COL25A1: variants seen among roughly 807,000 people sequenced by gnomAD.
COL25A1 encodes the protein collagen alpha-1(XXV) chain.
Under a neutral mutation model 128.4 loss-of-function variants are expected in COL25A1, and 103 were observed. The ratio of observed to expected loss-of-function variants is 0.80; its 90% confidence interval spans 0.68 to 0.94. COL25A1 has a LOEUF of 0.94. Ranked by LOEUF, COL25A1 falls within the 40% of genes least tolerant of loss-of-function variation. The pLI, the probability that COL25A1 is intolerant of heterozygous loss-of-function variation, is 0.00. For missense variants in COL25A1, 745 were observed against 840.0 expected, an observed-to-expected ratio of 0.89 and a Z score of 1.40; for synonymous variants, 279 against 277.2, an observed-to-expected ratio of 1.01 and a Z score of -0.06.
chr4:109,069,187 T>C (rs1762715518), intron 3 of COL25A1, among the ~76,000 whole-genome samples: 1 of 151,802 alleles, frequency 6.6e-6, no homozygotes, highest in Non-Finnish European at 1.5e-5. Flanking sequence ...AAAGGCAATT[T>C]AAAATTAACA....
At chr4:109,258,390 T>A (rs1172117508) in intron 3 of COL25A1, among the ~76,000 whole-genome samples, 1 of 152,136 alleles carries the variant, frequency 6.6e-6, no homozygotes, top group Admixed American at 6.5e-5. Context: ...TACTAGCTGT[T>A]TGACCTTCTG....
chr4:108,865,605 A>AT (rs1309000999), intron 20 of COL25A1, among the ~76,000 whole-genome samples: 2 of 152,244 alleles, frequency 1.3e-5, no homozygotes, highest in African/African-American at 4.8e-5. Context: ...TATAAAAATT[A>AT]TTAAAAAACT....
At chr4:108,915,357 C>T (rs564484949) in intron 13 of COL25A1, among the ~76,000 whole-genome samples, 1 of 152,138 alleles carries the variant, frequency 6.6e-6, no homozygotes. Context: ...TTCTCTTTCT[C>T]TCTCTCTCCC....
intron 3 of COL25A1, among the ~76,000 whole-genome samples, chr4:109,171,198 C>T (rs1209080733): frequency 6.6e-6 from 1 of 152,102 alleles, no homozygotes; most frequent in Non-Finnish European, 1.5e-5. Flanking sequence ...AGAGGCATGC[C>T]AACTGAGAGT....
intron 24 of COL25A1, among the ~76,000 whole-genome samples, chr4:108,857,596 C>T (rs1269355796): frequency 6.6e-6 from 1 of 150,966 alleles, no homozygotes; most frequent in Non-Finnish European, 1.5e-5. Flanking sequence ...TAGTGCTCTA[C>T]TAGTTAAAAA....
intron 3 of COL25A1, among the ~76,000 whole-genome samples, chr4:109,187,278 C>T (rs530416505): frequency 1.2e-3 from 188 of 150,696 alleles, no homozygotes; most frequent in Middle Eastern, 3.4e-3. Flanking sequence ...GGTTTCTTTA[C>T]GTGTATTTAA....
At chr4:108,859,517 T>G in intron 24 of COL25A1, 139 bp downstream of exon 24, 1 of 578,526 alleles carries the variant, frequency 1.7e-6, no homozygotes, top group Non-Finnish European at 3.1e-6. Context: ...GATGAGTTCT[T>G]GAGAACAGGG....
At chr4:109,294,331 T>C (rs1418597435) in intron 3 of COL25A1, among the ~76,000 whole-genome samples, 1 of 152,096 alleles carries the variant, frequency 6.6e-6, no homozygotes. Context: ...CAATGAAAAG[T>C]GCTCAATTTT....
At chr4:109,168,899 C>G (rs1028646862) in intron 3 of COL25A1, among the ~76,000 whole-genome samples, 1 of 152,064 alleles carries the variant, frequency 6.6e-6, no homozygotes, top group East Asian at 1.9e-4. Context: ...ATTTTGCATC[C>G]ACACATCGAG....
intron 8 of COL25A1, among the ~76,000 whole-genome samples, chr4:108,967,958 G>A (rs1431707871): frequency 6.6e-6 from 1 of 152,124 alleles, no homozygotes; most frequent in Admixed American, 6.5e-5. Context: ...GATACTCTAT[G>A]CGTGGTGACC....
intron 3 of COL25A1, among the ~76,000 whole-genome samples, chr4:109,061,318 C>A (rs969619097): frequency 6.6e-6 from 1 of 152,114 alleles, no homozygotes; most frequent in African/African-American, 2.4e-5. Flanking sequence ...GATAGAAATT[C>A]TGCCTTCTTC....
At chr4:109,065,432 A>G (rs1396950285) in intron 3 of COL25A1, among the ~76,000 whole-genome samples, 1 of 152,078 alleles carries the variant, frequency 6.6e-6, no homozygotes, top group Non-Finnish European at 1.5e-5. Context: ...TGTTTTCTAT[A>G]GTTACCTGAC....
At chr4:109,137,263 G>GT (rs1039826853) in intron 3 of COL25A1, among the ~76,000 whole-genome samples, 36 of 152,284 alleles carry the variant, frequency 2.4e-4, no homozygotes, top group African/African-American at 8.7e-4. Context: ...TAGACATTGA[G>GT]TAACACTCTC....
chr4:109,145,055 C>G (rs1214189916), intron 3 of COL25A1, among the ~76,000 whole-genome samples: 1 of 147,696 alleles, frequency 6.8e-6, no homozygotes, highest in East Asian at 2.0e-4. Context: ...AATTTTTCAA[C>G]TAAAACCTCA....
At position 109,100,293 on chromosome 4, in the gene COL25A1, T is replaced by C. The variant is rs116693928; in HGVS notation, c.368-50114A>G. Among the ~76,000 whole-genome samples the C allele has an allele frequency of 2.5e-3, 387 of 152,134 alleles. 3 individuals are homozygous for C. The highest frequency in any genetic ancestry group is 9.0e-3 in the African/African-American group (374 of 41,492). ...AATTATCAAAGGATGGTAGCCCTCA[T>C]TAAAAATCATAAAAGTGGAATGTCA... On this transcript the variant is annotated intron_variant, in intron 3 of 37. Transcript: ENST00000399132.
chr4:109,099,449 G>T (rs541098589), intron 3 of COL25A1, among the ~76,000 whole-genome samples: 4 of 151,978 alleles, frequency 2.6e-5, no homozygotes, highest in Non-Finnish European at 4.4e-5. Flanking sequence ...CAAAGGTTCT[G>T]TTTAACTTCC....
chr4:109,106,469 A>G (rs1194420014), intron 3 of COL25A1, among the ~76,000 whole-genome samples: 1 of 152,162 alleles, frequency 6.6e-6, no homozygotes, highest in Non-Finnish European at 1.5e-5. Flanking sequence ...ACTTTACAAG[A>G]CAGATTTGTG....
At chr4:108,868,733 GAGGA>G (rs1298249201) in intron 20 of COL25A1, among the ~76,000 whole-genome samples, 19 of 141,984 alleles carry the variant, frequency 1.3e-4, no homozygotes, top group South Asian at 6.8e-4. Context: ...GAAAGGAAGG[GAGGA>G]AGGAAGGAAG....
rs138506478 is a variant in COL25A1, at chr4:109,056,815, A to G, written c.368-6636T>C. Among the ~76,000 whole-genome samples, 331 of 152,300 alleles carry G rather than the reference A, an allele frequency of 2.2e-3. 1 individual carries two copies. The highest frequency in any genetic ancestry group is 7.5e-3 in the African/African-American group (311 of 41,568). ...GAAGAAAATGGGCTGGTTATTCCAG[A>G]ATATACTTCTCATTAGGATAGTTTT... On this transcript the variant is annotated intron_variant, in intron 3 of 37. Transcript: ENST00000399132.
Sources: allele counts gnomAD v4.1 joint callset (sites outside exome capture counted in the v4.1 genomes callset), GRCh38; gene constraint gnomAD v4.1.1; transcripts MANE v1.5; gene names NCBI Gene and HGNC (gene_info 2026-07-23, HGNC 2026-07-21).